The following ZFHX3 variants were observed in gnomAD, a reference collection of about 807,000 sequenced individuals.
The protein encoded by ZFHX3 is zinc finger homeobox 3, also known as zinc finger homeobox protein 3.
A neutral mutation model predicts 279.1 loss-of-function variants in ZFHX3; 42 were observed. The observed-to-expected ratio is 0.15, with a 90% CI of 0.12 to 0.19. ZFHX3 has a LOEUF of 0.19. Ranked by LOEUF, ZFHX3 falls within the 10% of genes least tolerant of loss-of-function variation. ZFHX3 has a pLI of 1.00. For missense variants in ZFHX3, 4,981 were observed against 4,754.0 expected, an observed-to-expected ratio of 1.05 and a Z score of -1.40; for synonymous variants, 2,293 against 1,957.8, an observed-to-expected ratio of 1.17 and a Z score of -4.52.
intron 3 of ZFHX3, among the ~76,000 whole-genome samples, chr16:72,933,305 CATT>C (rs79677890): frequency 0.041 from 6,183 of 152,236 alleles, 297 homozygotes; most frequent in African/African-American, 0.1. Context: ...AACAGATCAT[CATT>C]ACTACTCTCC....
chr16:72,922,212 C>G (rs968138744), intron 3 of ZFHX3, among the ~76,000 whole-genome samples: 2 of 152,180 alleles, frequency 1.3e-5, no homozygotes, highest in East Asian at 3.8e-4. Context: ...ACTACCCTAT[C>G]TTTACTCCTC....
chr16:73,877,203 G>T (rs2029979134), intron 1 of ZFHX3, among the ~76,000 whole-genome samples: 1 of 133,212 alleles, frequency 7.5e-6, no homozygotes, highest in Non-Finnish European at 1.6e-5. Context: ...GGGTTAGGTC[G>T]GGGGGGGGTC....
intron 1 of ZFHX3, among the ~76,000 whole-genome samples, chr16:73,883,072 G>A (rs750299888): frequency 3.0e-4 from 45 of 151,556 alleles, no homozygotes; most frequent in Non-Finnish European, 5.6e-4. Flanking sequence ...AAAACTACAT[G>A]ATTTCTATTA....
Position 73,485,976 on chromosome 16 carries a change from T to C in ZFHX3, c.-1546-29718A>G, listed in dbSNP as rs140803787. Reference sequence around the variant, plus strand: ...AACAGGAGAGCAGGGACCACCTCTCTTGTTCATCAATGTGTCCCAAGTTCC... The same window carrying C: ...AACAGGAGAGCAGGGACCACCTCTCCTGTTCATCAATGTGTCCCAAGTTCC... On this transcript the variant is annotated intron_variant, in intron 2 of 17. Transcript: ENST00000641206. Among the ~76,000 whole-genome samples the C allele has an allele frequency of 1.2e-3, 186 of 152,324 alleles. 1 individual carries two copies. The highest frequency in any genetic ancestry group is 0.01 in the Middle Eastern group (3 of 294).
chr16:73,016,222 C>G (rs1474263458), intron 1 of ZFHX3, among the ~76,000 whole-genome samples: 1 of 152,196 alleles, frequency 6.6e-6, no homozygotes, highest in Non-Finnish European at 1.5e-5. Flanking sequence ...GCCACTTCCC[C>G]ATTTTGTGTT....
chr16:73,524,053 C>A (rs778685364), intron 2 of ZFHX3, among the ~76,000 whole-genome samples: 1 of 152,118 alleles, frequency 6.6e-6, no homozygotes, highest in Non-Finnish European at 1.5e-5. Flanking sequence ...TGCCAGGAAC[C>A]ATAGTAAGGG....
At chr16:73,819,007 G>A (rs570766649) in intron 1 of ZFHX3, among the ~76,000 whole-genome samples, 28 of 152,254 alleles carry the variant, frequency 1.8e-4, no homozygotes, top group African/African-American at 5.8e-4. Flanking sequence ...GAAGCACAAT[G>A]AAGTTGATCT....
At chr16:73,115,158 C>T (rs1966416934) in intron 7 of ZFHX3, among the ~76,000 whole-genome samples, 1 of 152,154 alleles carries the variant, frequency 6.6e-6, no homozygotes, top group Admixed American at 6.5e-5. Flanking sequence ...CCCTCATCTC[C>T]AAGTCTCAGC....
At chr16:73,665,599 A>G (rs2052829833) in intron 2 of ZFHX3, among the ~76,000 whole-genome samples, 1 of 151,912 alleles carries the variant, frequency 6.6e-6, no homozygotes, top group African/African-American at 2.4e-5. Context: ...TTGCTCCACC[A>G]AAGTGAAGGA....
intron 2 of ZFHX3, among the ~76,000 whole-genome samples, chr16:73,610,430 A>G (rs1052078132): frequency 6.6e-6 from 1 of 152,234 alleles, no homozygotes; most frequent in Non-Finnish European, 1.5e-5. Flanking sequence ...ATCACTATAC[A>G]GAAACACTGT....
At chr16:73,721,787 G>T (rs186635420) in intron 1 of ZFHX3, among the ~76,000 whole-genome samples, 2 of 152,216 alleles carry the variant, frequency 1.3e-5, no homozygotes, top group Non-Finnish European at 2.9e-5. Context: ...GCTCACACTG[G>T]TTATCCCAGC....
chr16:73,425,272 G>A (rs1451479873), intron 3 of ZFHX3, among the ~76,000 whole-genome samples: 1 of 152,150 alleles, frequency 6.6e-6, no homozygotes, highest in Non-Finnish European at 1.5e-5. Context: ...TGTGCCTTGG[G>A]ATGCGTGCTG....
chr16:73,510,762 T>A (rs1197704002), intron 2 of ZFHX3, among the ~76,000 whole-genome samples: 1 of 152,220 alleles, frequency 6.6e-6, no homozygotes, highest in East Asian at 1.9e-4. Context: ...TTCTTTCACC[T>A]CTTGTTCTAG....
chr16:72,795,053 C>T lies in ZFHX3; in HGVS notation c.7629G>A (p.Glu2543=), dbSNP rs761812371. The T allele has an allele frequency of 1.7e-5, 27 of 1,614,038 alleles. No homozygotes were observed. The highest frequency in any genetic ancestry group is 1.9e-5 in the Non-Finnish European group (22 of 1,180,044). The change falls in exon 9 of 10, where the codon GAG becomes GAA. Residue 2543 remains glutamate, a synonymous_variant. Coordinates refer to ENST00000268489, the MANE Select transcript of ZFHX3 (RefSeq NM_006885.4). ...GGAGCTGCTGATGCTCCTGCCAGTG[C>T]TCAAATGACGGAAATGCCAACTTAC... ...DQCKLAFPSF[E]HWQEHQQLHF... is the part of the protein sequence containing the mutation.
chr16:73,425,401 A>G (rs150145766), intron 3 of ZFHX3, among the ~76,000 whole-genome samples: 1 of 152,344 alleles, frequency 6.6e-6, no homozygotes, highest in Non-Finnish European at 1.5e-5. Context: ...TATGCCAAGC[A>G]TAATACCCCA....
intron 1 of ZFHX3, chr16:73,015,829 G>A (rs575162066): frequency 1.3e-5 from 2 of 152,284 alleles, no homozygotes; most frequent in East Asian, 1.9e-4. Context: ...TGAGAGGTGT[G>A]AGCCAGGCAG....
chr16:73,342,535 C>G (rs1043422907), intron 3 of ZFHX3, among the ~76,000 whole-genome samples: 3 of 152,070 alleles, frequency 2.0e-5, no homozygotes, highest in African/African-American at 7.2e-5. Flanking sequence ...GGAATGATTT[C>G]CAGGATGTGT....
intron 4 of ZFHX3, among the ~76,000 whole-genome samples, chr16:73,276,458 T>C (rs1280144006): frequency 6.6e-6 from 1 of 152,172 alleles, no homozygotes; most frequent in Non-Finnish European, 1.5e-5. Flanking sequence ...TGCTGGGATT[T>C]ACAGGTGTGA....
chr16:72,896,748 T>C (rs1265916647), intron 3 of ZFHX3, among the ~76,000 whole-genome samples: 1 of 152,174 alleles, frequency 6.6e-6, no homozygotes, highest in Non-Finnish European at 1.5e-5. Context: ...AGCTCCCTCC[T>C]CCTCCCCAAC....
Sources: allele counts gnomAD v4.1 joint callset (sites outside exome capture counted in the v4.1 genomes callset), GRCh38; gene constraint gnomAD v4.1.1; transcripts MANE v1.5; gene names NCBI Gene and HGNC (gene_info 2026-07-23, HGNC 2026-07-21).